CD247: variants seen among roughly 807,000 people sequenced by gnomAD.
The protein encoded by CD247 is CD247 molecule, also known as T-cell surface glycoprotein CD3 zeta chain.
CD247 carries 13 observed loss-of-function variants against 30.0 expected under a neutral mutation model. The observed-to-expected ratio is 0.43, with a 90% CI of 0.28 to 0.69. The LOEUF is 0.69. CD247 is among the 30% of genes least tolerant of loss of function. CD247 has a pLI of 0.16. For synonymous variants in CD247, 72 were observed against 80.0 expected (o/e 0.90, Z 0.53); for missense variants, 193 against 212.6 (o/e 0.91, Z 0.57).
chr1:167,431,423 C>T lies in CD247; in HGVS notation c.*258G>A. 1 of 600,646 alleles carries T rather than the reference C, an allele frequency of 1.7e-6. No individual in the cohort carries two copies. Among genetic ancestry groups the T allele is most frequent in the South Asian group, 2.0e-5 (1 of 49,122 alleles). The allele number at this position is 600,646 out of a possible 1,614,324, so 37.2% of individuals were successfully genotyped here. ...GGGAGAACGAGGAACCGCCAGGAGA[C>T]AGGTCTACCTGCACCACCGGCAAAC... On this transcript the variant is annotated 3_prime_UTR_variant, in exon 8 of 8. Coordinates refer to ENST00000362089, the MANE Select transcript of CD247 (RefSeq NM_198053.3).
intron 7 of CD247, among the ~76,000 whole-genome samples, chr1:167,432,375 G>T (rs1651314102): frequency 6.6e-6 from 1 of 152,156 alleles, no homozygotes; most frequent in South Asian, 2.1e-4. Context: ...AAGTTTCTGG[G>T]GCCCTTTTGA....
chr1:167,470,375 C>CA (rs1193116127), intron 1 of CD247, among the ~76,000 whole-genome samples: 1 of 152,106 alleles, frequency 6.6e-6, no homozygotes, highest in Non-Finnish European at 1.5e-5. Flanking sequence ...TCTCCCCCAG[C>CA]AAACCTGCCT....
At chr1:167,434,393 G>A in intron 5 of CD247, 1 of 433,700 alleles carries the variant, frequency 2.3e-6, no homozygotes, top group Non-Finnish European at 4.3e-6. Flanking sequence ...GCAAAACAAG[G>A]GCTCACCTGG....
At position 167,489,369 on chromosome 1, in the gene CD247, G is replaced by T. The variant is rs550622581; in HGVS notation, c.58+29039C>A. Among the ~76,000 whole-genome samples, 11 of 152,250 alleles carry T rather than the reference G, an allele frequency of 7.2e-5. No homozygotes were observed. In the East Asian group the frequency reaches 2.1e-3, roughly 29 times the overall value. ...GAGGGCTTTTGTGTCTAGAAACAGG[G>T]TTAATTAAAGATTTCCTGCCTGCTT... On this transcript the variant is annotated intron_variant, in intron 1 of 7. Transcript: ENST00000362089.
At chr1:167,518,093 C>T (rs540998454) in intron 1 of CD247, among the ~76,000 whole-genome samples, 51 of 152,278 alleles carry the variant, frequency 3.3e-4, no homozygotes, top group Admixed American at 1.2e-3. Context: ...ACTCCCTCTC[C>T]GTTTCTCTAC....
rs1013736728 is a variant in CD247 at position 167,490,237 on chromosome 1, T to C, written c.58+28171A>G. Among the ~76,000 whole-genome samples the C allele has an allele frequency of 2.6e-5, 4 of 152,238 alleles. 1 individual carries two copies. The highest frequency in any genetic ancestry group is 9.6e-5 in the African/African-American group (4 of 41,474). On this transcript the variant is annotated intron_variant, in intron 1 of 7. Transcript: ENST00000362089. ...GTATTCCAGACTCTGCCTGCAAAGC[T>C]TCTCCACCTTCCCCGTCATCTGACC...
chr1:167,491,077 A>T (rs967801211), intron 1 of CD247, among the ~76,000 whole-genome samples: 5 of 152,190 alleles, frequency 3.3e-5, no homozygotes, highest in Non-Finnish European at 7.3e-5. Flanking sequence ...ACAATTTTTG[A>T]AATCCTAGTT....
Position 167,439,783 on chromosome 1 carries a change from G to T in CD247, c.163-383C>A, listed in dbSNP as rs138073207. The T allele has an allele frequency of 9.0e-5, 24 of 267,238 alleles. No homozygotes were observed. In the East Asian group the frequency reaches 9.5e-4, roughly 11 times the overall value. The allele number at this position is 267,238 out of a possible 1,614,324, so 16.6% of individuals were successfully genotyped here. ...CTGAGGACAATCCAGGGTGGATGGCGGCTGGTCAAGATCCCGCCTCCTATC... is the reference window on the plus strand; with the variant it reads ...CTGAGGACAATCCAGGGTGGATGGCTGCTGGTCAAGATCCCGCCTCCTATC... On this transcript the variant is annotated intron_variant, in intron 2 of 7. Coordinates refer to ENST00000362089, the MANE Select transcript of CD247 (RefSeq NM_198053.3).
At position 167,515,027 on chromosome 1, in the gene CD247, G is replaced by A. The variant is rs375307094; in HGVS notation, c.58+3381C>T. 8.7e-4 allele frequency among the ~76,000 whole-genome samples: 133 copies of A among 152,296 alleles called. 1 individual carries two copies. The highest frequency in any genetic ancestry group is 3.1e-3 in the African/African-American group (127 of 41,564). ...ACCTAAGCCAGAGCTCCCCAGGACC[G>A]TTTCTGGGGGATGCTTAGCAGAAGC... On this transcript the variant is annotated intron_variant, in intron 1 of 7. Transcript: ENST00000362089.
At chr1:167,446,443 C>A (rs376401694) in intron 1 of CD247, among the ~76,000 whole-genome samples, 69 of 152,276 alleles carry the variant, frequency 4.5e-4, no homozygotes, top group African/African-American at 1.7e-3. Flanking sequence ...TTTTCTTAAC[C>A]TCTCTGAGCG....
In CD247 at chr1:167,430,644, T is replaced by G. The variant is rs1336728952; in HGVS notation, c.*1037A>C. The G allele has an allele frequency of 5.0e-6, 2 of 398,504 alleles. No individual in the cohort carries two copies. The highest frequency in any genetic ancestry group is 8.8e-6 in the Non-Finnish European group (2 of 226,074). The allele number at this position is 398,504 out of a possible 1,614,324, so 24.7% of individuals were successfully genotyped here. On this transcript the variant is annotated 3_prime_UTR_variant, in exon 8 of 8. Coordinates refer to ENST00000362089, the MANE Select transcript of CD247 (RefSeq NM_198053.3). ...TGAAATAAAGCTTAGTAAAGCTGCA[T>G]TTTCACTGAAGCATTTATTATGCAA...
chr1:167,446,593 G>T (rs549287882), intron 1 of CD247, among the ~76,000 whole-genome samples: 2 of 152,138 alleles, frequency 1.3e-5, no homozygotes, highest in African/African-American at 4.8e-5. Flanking sequence ...GCAGGGGATG[G>T]CCCTCTGACC....
At chr1:167,509,110 T>C (rs1326122447) in intron 1 of CD247, among the ~76,000 whole-genome samples, 1 of 152,164 alleles carries the variant, frequency 6.6e-6, no homozygotes, top group East Asian at 1.9e-4. Flanking sequence ...CTCATGCCTA[T>C]AATCCCAGCA....
intron 1 of CD247, among the ~76,000 whole-genome samples, chr1:167,465,796 C>T (rs752738671): frequency 1.8e-4 from 28 of 152,218 alleles, no homozygotes; most frequent in Non-Finnish European, 3.5e-4. Flanking sequence ...AGCATCTAGT[C>T]ATTTGGAGGT....
chr1:167,467,134 G>A (rs917098362), intron 1 of CD247, among the ~76,000 whole-genome samples: 3 of 152,132 alleles, frequency 2.0e-5, no homozygotes, highest in South Asian at 2.1e-4. Context: ...CACCGCGCCC[G>A]GCCCCTTTAT....
At chr1:167,435,472 A>T in intron 4 of CD247, 38 bp from the exon 5 acceptor site, 1 of 1,566,026 alleles carries the variant, frequency 6.4e-7, no homozygotes, top group Non-Finnish European at 8.8e-7. Context: ...AGGGAGAGAA[A>T]CACAAACCCA....
intron 1 of CD247, among the ~76,000 whole-genome samples, chr1:167,470,185 A>T (rs528250939): frequency 6.6e-6 from 1 of 152,260 alleles, no homozygotes; most frequent in East Asian, 1.9e-4. Flanking sequence ...AAGTGGTGGG[A>T]TTACAGGCAT....
chr1:167,516,066 C>T (rs567061719), intron 1 of CD247, among the ~76,000 whole-genome samples: 2 of 152,354 alleles, frequency 1.3e-5, no homozygotes, highest in African/African-American at 2.4e-5. Context: ...CTGAAATTAG[C>T]CTGGCTCTTT....
At chr1:167,514,696 C>T (rs1198345455) in intron 1 of CD247, among the ~76,000 whole-genome samples, 1 of 152,012 alleles carries the variant, frequency 6.6e-6, no homozygotes, top group Non-Finnish European at 1.5e-5. Flanking sequence ...TTGGCCGAAG[C>T]AGAGCTAAGA....
Sources: gnomAD v4.1 joint callset for allele counts (sites outside exome capture counted in the v4.1 genomes callset) on GRCh38, gnomAD v4.1.1 for gene constraint, MANE v1.5 for transcripts, NCBI Gene and HGNC (gene_info 2026-07-23, HGNC 2026-07-21) for gene names.